The following KLF13 variants were observed in gnomAD, a reference collection of about 807,000 sequenced individuals.
KLF13 encodes Krueppel-like factor 13.
In KLF13, 8 loss-of-function variants were observed where a neutral mutation model predicts 16.7. The observed-to-expected ratio is 0.48, with a 90% confidence interval of 0.28 to 0.87. KLF13 has a LOEUF of 0.87. Ranked by LOEUF, KLF13 falls within the 40% of genes least tolerant of loss-of-function variation. KLF13 has a pLI of 0.10. For missense variants in KLF13, 447 were observed against 452.2 expected, an observed-to-expected ratio of 0.99 and a Z score of 0.10; for synonymous variants, 245 against 208.4, an observed-to-expected ratio of 1.18 and a Z score of -1.51.
At chr15:31,383,631 T>A (rs1026981616) in intron 1 of KLF13, among the ~76,000 whole-genome samples, 1 of 152,248 alleles carries the variant, frequency 6.6e-6, no homozygotes, top group Non-Finnish European at 1.5e-5. Context: ...CCGGGCGCGG[T>A]GGCTCACGCC....
At chr15:31,362,826 C>T (rs148800076) in intron 1 of KLF13, among the ~76,000 whole-genome samples, 387 of 152,280 alleles carry the variant, frequency 2.5e-3, no homozygotes, top group Non-Finnish European at 4.5e-3. Context: ...CTCTCCTCAA[C>T]CTTGTTTTCC....
chr15:31,327,490 G>A lies in KLF13; in HGVS notation c.278G>A (p.Arg93Lys). 1 of 1,191,136 alleles carries A rather than the reference G, an allele frequency of 8.4e-7. No homozygotes were observed. Among genetic ancestry groups the A allele is most frequent in the Non-Finnish European group, 1.0e-6 (1 of 962,544 alleles). 73.8% of individuals were successfully genotyped at this position (1,191,136 alleles called of 1,614,324 possible). The change falls in exon 1 of 2, where the codon AGG becomes AAG. Residue 93 changes from arginine (R) to lysine (K), a missense_variant. This residue lies in a region of KLF13 where 359 missense variants were observed against 282.8 expected (regional missense o/e 1.27). Coordinates refer to ENST00000307145, the MANE Select transcript of KLF13 (RefSeq NM_015995.4). ...GAGGGCGCCGCGGCCCGGAAGGCGA[G>A]GACCCCCTGCCGCCTGCCGCCGCCC... The part of the protein sequence containing the change: ...RREGAAARKA[R>K]TPCRLPPPAP...
At chr15:31,345,659 C>G (rs1397272903) in intron 1 of KLF13, among the ~76,000 whole-genome samples, 1 of 152,222 alleles carries the variant, frequency 6.6e-6, no homozygotes, top group Non-Finnish European at 1.5e-5. Flanking sequence ...CTGCCCTACT[C>G]ACTGTCTTCC....
intron 1 of KLF13, among the ~76,000 whole-genome samples, chr15:31,411,995 G>A (rs1740022001): frequency 6.6e-6 from 1 of 152,158 alleles, no homozygotes; most frequent in Non-Finnish European, 1.5e-5. Context: ...ATCATAGCTA[G>A]CTGCTATGGT....
chr15:31,362,245 A>C (rs1357825836), intron 1 of KLF13, among the ~76,000 whole-genome samples: 1 of 152,214 alleles, frequency 6.6e-6, no homozygotes, highest in East Asian at 1.9e-4. Flanking sequence ...GACCCGTTCT[A>C]AACTGCTGGG....
chr15:31,352,060 C>T (rs2140948736), intron 1 of KLF13, among the ~76,000 whole-genome samples: 1 of 151,832 alleles, frequency 6.6e-6, no homozygotes, highest in Non-Finnish European at 1.5e-5. Flanking sequence ...ACAGAAGTCA[C>T]TGTTTAAGTA....
At chr15:31,354,672 A>C (rs942637812) in intron 1 of KLF13, among the ~76,000 whole-genome samples, 15 of 152,222 alleles carry the variant, frequency 9.9e-5, no homozygotes, top group Non-Finnish European at 2.2e-4. Context: ...GGCGTGAGCC[A>C]CTGCACCTGG....
At chr15:31,355,001 G>A (rs2039277543) in intron 1 of KLF13, among the ~76,000 whole-genome samples, 2 of 152,186 alleles carry the variant, frequency 1.3e-5, no homozygotes, top group African/African-American at 4.8e-5. Context: ...TGTGGATCCA[G>A]CCCTAAAACC....
chr15:31,369,020 A>G (rs2039518084), intron 1 of KLF13, among the ~76,000 whole-genome samples: 1 of 152,138 alleles, frequency 6.6e-6, no homozygotes, highest in South Asian at 2.1e-4. Flanking sequence ...TCAAATTTAG[A>G]TATTTTCTGT....
intron 1 of KLF13, among the ~76,000 whole-genome samples, chr15:31,415,123 C>A (rs181672668): frequency 5.3e-4 from 80 of 152,280 alleles, no homozygotes. Context: ...TCTCTGTACA[C>A]GTCCGCTCCC....
rs1236668826 is a variant in KLF13, at chr15:31,327,612, G to A, written c.400G>A (p.Glu134Lys). Residue 134 changes from glutamate to lysine, a missense_variant, in exon 1 of 2, where the codon GAG (glutamate) becomes AAG (lysine). By Grantham distance (56) the Glu-to-Lys change is moderately conservative (BLOSUM62 1). Coordinates refer to ENST00000307145, the MANE Select transcript of KLF13 (RefSeq NM_015995.4). The stretch of plus-strand genomic sequence containing the variant: ...GGAGCCCGAGGCGGGGCTGGAGCCC[G>A]AGCGGGAGCCGGGGCCCGCGGGGAG... Reference protein sequence around the residue: ...EPEPEAGLEPEREPGPAGSGE... With the variant: ...EPEPEAGLEPKREPGPAGSGE... The A allele has an allele frequency of 2.3e-6, 3 of 1,320,894 alleles. No individual in the cohort carries two copies. Among genetic ancestry groups the A allele is most frequent in the Non-Finnish European group, 2.9e-6 (3 of 1,020,200 alleles). The allele number at this position is 1,320,894 out of a possible 1,614,324, so 81.8% of individuals were successfully genotyped here.
chr15:31,327,959 C>T (rs577664034), intron 1 of KLF13, among the ~76,000 whole-genome samples, 170 bp downstream of exon 1: 27 of 147,754 alleles, frequency 1.8e-4, no homozygotes, highest in East Asian at 4.0e-4. Flanking sequence ...CCCCGCGCGT[C>T]GCGCGAGGCG....
chr15:31,382,294 C>T (rs2039736319), downstream of KLF13, among the ~76,000 whole-genome samples: 1 of 152,208 alleles, frequency 6.6e-6, no homozygotes, highest in African/African-American at 2.4e-5. Context: ...GCTGTACCCT[C>T]TGAGCACTCT....
At chr15:31,354,545 T>G (rs1384520164) in intron 1 of KLF13, among the ~76,000 whole-genome samples, 9 of 152,152 alleles carry the variant, frequency 5.9e-5, no homozygotes, top group Non-Finnish European at 1.3e-4. Context: ...CACACCCAGC[T>G]AATTTTTTGT....
intron 1 of KLF13, among the ~76,000 whole-genome samples, chr15:31,342,586 T>A (rs2039045804): frequency 6.6e-6 from 1 of 152,240 alleles, no homozygotes; most frequent in Non-Finnish European, 1.5e-5. Context: ...CACTCAGGAC[T>A]TAGGTTTGCT....
intron 1 of KLF13, among the ~76,000 whole-genome samples, chr15:31,431,642 T>C (rs1393068998): frequency 6.6e-6 from 1 of 152,140 alleles, no homozygotes; most frequent in Non-Finnish European, 1.5e-5. Context: ...TTTTTTGTAT[T>C]TTTAGTAGAG....
intron 1 of KLF13, among the ~76,000 whole-genome samples, chr15:31,341,907 G>T (rs572503559): frequency 6.6e-6 from 1 of 152,298 alleles, no homozygotes; most frequent in Admixed American, 6.5e-5. Context: ...GGTACAGCCT[G>T]TGAGCTTCTG....
intron 1 of KLF13, among the ~76,000 whole-genome samples, chr15:31,386,973 C>G (rs373514293): frequency 1.3e-5 from 2 of 152,164 alleles, no homozygotes; most frequent in African/African-American, 2.4e-5. Flanking sequence ...GACTCCTTTC[C>G]GATGAAACTT....
intron 2 of KLF13, among the ~76,000 whole-genome samples, chr15:31,398,051 T>G (rs941924744): frequency 1.3e-5 from 2 of 152,188 alleles, no homozygotes; most frequent in Non-Finnish European, 2.9e-5. Flanking sequence ...ATTAGCCTAA[T>G]AAGGAGCCTG....
Sources: gnomAD v4.1 joint callset for allele counts (sites outside exome capture counted in the v4.1 genomes callset) on GRCh38, gnomAD v4.1.1 for gene constraint, gnomAD v4.1.1 regional missense constraint, MANE v1.5 for transcripts, NCBI Gene and HGNC (gene_info 2026-07-23, HGNC 2026-07-21) for gene names.